PCDHGA12: variants seen among roughly 807,000 people sequenced by gnomAD.
PCDHGA12 encodes protocadherin gamma subfamily A, 12.
Under a neutral mutation model 61.1 loss-of-function variants are expected in PCDHGA12, and 43 were observed. That is an observed-to-expected ratio of 0.70 (90% CI 0.55 to 0.91). The LOEUF is 0.91. Among genes scored for constraint, PCDHGA12 ranks in the 40% least tolerant of loss-of-function variants. The probability of loss-of-function intolerance (pLI) is 0.00; values close to 1 mark genes in which losing one functional copy is unlikely to be tolerated. For synonymous variants in PCDHGA12, 520 were observed against 542.9 expected (o/e 0.96, Z 0.59); for missense variants, 1,236 against 1,227.7 (o/e 1.01, Z -0.10).
intron 2 of PCDHGA12, among the ~76,000 whole-genome samples, chr5:141,499,612 C>T (rs1489412444): frequency 6.6e-6 from 1 of 151,968 alleles, no homozygotes; most frequent in African/African-American, 2.4e-5. Context: ...TACCCTTATC[C>T]TGTCCTTGGA....
Position 141,431,151 on chromosome 5 carries a change from C to A in PCDHGA12, c.392C>A (p.Pro131His), listed in dbSNP as rs764416448. The change falls in exon 1 of 4, where the codon CCT (proline) becomes CAT (histidine). Residue 131 changes from proline (P) to histidine (H), a missense_variant. Transcript: ENST00000252085. This position sits in a 1 kb window ranked among gnomAD's most constrained non-coding sequence, Gnocchi z 4.8. Reference protein sequence around the residue: ...VEVRDINDNAPYFRESELEIK... With the variant: ...VEVRDINDNAHYFRESELEIK... Reference sequence around the variant, plus strand: ...GTAAGGGACATTAACGACAATGCGCCTTACTTTCGTGAAAGTGAATTAGAA... The same window carrying A: ...GTAAGGGACATTAACGACAATGCGCATTACTTTCGTGAAAGTGAATTAGAA... 7.4e-6 allele frequency: 12 copies of A among 1,614,126 alleles called. No individual in the cohort carries two copies. Among genetic ancestry groups the A allele is most frequent in the Middle Eastern group, 1.6e-4 (1 of 6,084 alleles).
In PCDHGA12 at chr5:141,490,751, C is replaced by T. The variant is rs2099703884; in HGVS notation, c.2425-4056C>T. 6.2e-6 allele frequency: 10 copies of T among 1,614,092 alleles called. No individual in the cohort carries two copies. The highest frequency in any genetic ancestry group is 1.7e-5 in the Admixed American group (1 of 60,012). ...AATCAGGTTCAGGGAGCCCCAGCCT[C>T]CTCCTTTGTGTATGTCAACCCAGAG... On this transcript the variant is annotated intron_variant, in intron 1 of 3. Coordinates refer to ENST00000252085, the MANE Select transcript of PCDHGA12 (RefSeq NM_003735.3). This position sits in a 1 kb window ranked among gnomAD's most constrained non-coding sequence, Gnocchi z 5.4.
chr5:141,432,069 A>T lies in PCDHGA12; in HGVS notation c.1310A>T (p.His437Leu). ...RGTPPLSTETHISLNVADTND... is the reference protein window; with the variant it reads ...RGTPPLSTETLISLNVADTND... ...ACCCCGCCCCTATCCACGGAAACTC[A>T]TATCTCGCTGAACGTGGCAGACACC... is the stretch of plus-strand genomic sequence containing the variant. Residue 437 changes from histidine (H) to leucine (L), a missense_variant, in exon 1 of 4, where the codon CAT becomes CTT. Physicochemically the swap from His to Leu is moderately conservative, Grantham distance 99. Coordinates refer to ENST00000252085, the MANE Select transcript of PCDHGA12 (RefSeq NM_003735.3). This position sits in a 1 kb window ranked among gnomAD's most constrained non-coding sequence, Gnocchi z 6.0. The T allele has an allele frequency of 6.2e-7, 1 of 1,614,168 alleles. No homozygotes were observed. The highest frequency in any genetic ancestry group is 8.5e-7 in the Non-Finnish European group (1 of 1,180,038).
chr5:141,443,588 A>T (rs1479393074), intron 1 of PCDHGA12, among the ~76,000 whole-genome samples: 3 of 152,240 alleles, frequency 2.0e-5, no homozygotes, highest in Non-Finnish European at 4.4e-5. Context: ...CTAAAACAGA[A>T]TGTGGTATAT....
At position 141,485,049 on chromosome 5, in the gene PCDHGA12, G is replaced by A; in HGVS notation, c.2425-9758G>A. The A allele has an allele frequency of 1.3e-6, 1 of 780,438 alleles. No individual in the cohort carries two copies. 48.3% of individuals were successfully genotyped at this position (780,438 alleles called of 1,614,324 possible). ...AACGGCGCGTAACCCTTGCGGCGCC[G>A]GCCGAACCGCGCCAGAGCTGGCGCG... On this transcript the variant is annotated intron_variant, in intron 1 of 3. Coordinates refer to ENST00000252085, the MANE Select transcript of PCDHGA12 (RefSeq NM_003735.3). This position sits in a 1 kb window ranked among gnomAD's most constrained non-coding sequence, Gnocchi z 5.7.
intron 1 of PCDHGA12, among the ~76,000 whole-genome samples, chr5:141,467,824 G>A (rs1272399938): frequency 2.0e-5 from 3 of 151,798 alleles, no homozygotes; most frequent in Non-Finnish European, 4.4e-5. Flanking sequence ...ACACCAGGCT[G>A]ATTTTTATAT....
chr5:141,451,908 G>C (rs899191624), intron 1 of PCDHGA12, among the ~76,000 whole-genome samples: 1 of 152,046 alleles, frequency 6.6e-6, no homozygotes, highest in Non-Finnish European at 1.5e-5. Flanking sequence ...AAGGGAGGGA[G>C]GGAGGAAGGA....
chr5:141,473,004 AAAAG>A (rs1215989598), intron 1 of PCDHGA12, among the ~76,000 whole-genome samples: 5 of 151,730 alleles, frequency 3.3e-5, no homozygotes, highest in Non-Finnish European at 7.4e-5. Context: ...AAAAGAAAGA[AAAAG>A]AAAAAGAAAG....
rs748605515 is a variant in PCDHGA12 at position 141,486,688 on chromosome 5, C to T, written c.2425-8119C>T. ...CCAGGAATCGAGATGTATCAGCTTC[C>T]TCTTTCATCTCTCTGAACCCCCAGA... On this transcript the variant is annotated intron_variant, in intron 1 of 3. Transcript: ENST00000252085. The surrounding 1 kb of genome is among the most constrained non-coding windows in gnomAD (Gnocchi z 5.0). 2 of 1,614,170 alleles carry T rather than the reference C, an allele frequency of 1.2e-6. No individual in the cohort carries two copies. The highest frequency in any genetic ancestry group is 1.1e-5 in the South Asian group (1 of 91,086).
intron 1 of PCDHGA12, among the ~76,000 whole-genome samples, chr5:141,449,134 T>C (rs538592980): frequency 9.2e-4 from 140 of 152,242 alleles, no homozygotes; most frequent in Non-Finnish European, 1.8e-3. Context: ...AGAAATGGAA[T>C]TGAAATTGCT....
In PCDHGA12 at chr5:141,477,143, G is replaced by T; in HGVS notation, c.2425-17664G>T. On this transcript the variant is annotated intron_variant, in intron 1 of 3. Transcript: ENST00000252085. The surrounding 1 kb of genome is among the most constrained non-coding windows in gnomAD (Gnocchi z 4.9). The stretch of plus-strand genomic sequence containing the variant: ...ACATTGCAAAGTGTTGGTGGAGGTT[G>T]TGGATGTGAATGACAACGCCCCGGA... The T allele has an allele frequency of 6.2e-7, 1 of 1,614,198 alleles. No homozygotes were observed. The highest frequency in any genetic ancestry group is 8.5e-7 in the Non-Finnish European group (1 of 1,180,036).
Position 141,432,236 on chromosome 5 carries a change from G to A in PCDHGA12, c.1477G>A (p.Glu493Lys), listed in dbSNP as rs752735346. Residue 493 changes from glutamate to lysine, a missense_variant, in exon 1 of 4, where the codon GAG becomes AAG. Coordinates refer to ENST00000252085, the MANE Select transcript of PCDHGA12 (RefSeq NM_003735.3). This position sits in a 1 kb window ranked among gnomAD's most constrained non-coding sequence, Gnocchi z 6.0. ...ENAQITYSLA[E>K]NTIQGASLSS... ...CGCCCAGATCACTTATTCCCTGGCT[G>A]AGAACACCATCCAAGGGGCAAGCCT... is the stretch of plus-strand genomic sequence containing the variant. The A allele has an allele frequency of 8.7e-6, 14 of 1,614,130 alleles. No individual in the cohort carries two copies. The African/African-American group carries it at 9.3e-5, about 11-fold the overall frequency.
chr5:141,440,464 G>A (rs2003094), intron 1 of PCDHGA12: 3,293 of 152,144 alleles, frequency 0.022, 52 homozygotes, highest in South Asian at 0.038. Context: ...ATGAACAAAC[G>A]GTAGTTGAAA....
At chr5:141,492,241 C>G (rs1351937353) in intron 1 of PCDHGA12, among the ~76,000 whole-genome samples, 2 of 152,186 alleles carry the variant, frequency 1.3e-5, no homozygotes, top group East Asian at 3.9e-4. Context: ...TGCTGGCCAC[C>G]CCCACGGCCC....
rs999463482 is a variant in PCDHGA12, at chr5:141,506,400, T to C, written c.2572+919T>C. ...GGAGGTGGCTGTGGTGAGCAGAAAATCGCACCACTGCACTCCAGCCTGGGC... is the reference window on the plus strand; with the variant it reads ...GGAGGTGGCTGTGGTGAGCAGAAAACCGCACCACTGCACTCCAGCCTGGGC... On this transcript the variant is annotated intron_variant, in intron 3 of 3. Coordinates refer to ENST00000252085, the MANE Select transcript of PCDHGA12 (RefSeq NM_003735.3). 1.2e-4 allele frequency among the ~76,000 whole-genome samples: 16 copies of C among 135,754 alleles called. No homozygotes were observed. In the Admixed American group the frequency reaches 1.3e-3, roughly 11 times the overall value. The allele number at this position is 135,754 out of a possible 152,430, so 89.1% of individuals were successfully genotyped here.
rs549051669 is a variant in PCDHGA12, at chr5:141,450,866, C to A, written c.2424+17683C>A. 4.7e-5 allele frequency among the ~76,000 whole-genome samples: 7 copies of A among 149,836 alleles called. No homozygotes were observed. In the East Asian group the frequency reaches 1.4e-3, roughly 29 times the overall value. On this transcript the variant is annotated intron_variant, in intron 1 of 3. Transcript: ENST00000252085. ...TTGAGATGGGGTCTTGCTCTGTCAC[C>A]CAGGCTGGTGTGCAGTGGTGCGATA...
chr5:141,450,675 CG>C (rs2098689980), intron 1 of PCDHGA12, among the ~76,000 whole-genome samples: 1 of 151,614 alleles, frequency 6.6e-6, no homozygotes, highest in Non-Finnish European at 1.5e-5. Flanking sequence ...TTAGTAGAAA[CG>C]GGGTTTTGCC....
intron 2 of PCDHGA12, among the ~76,000 whole-genome samples, chr5:141,501,301 ACAC>A (rs1380901086): frequency 6.6e-6 from 1 of 150,882 alleles, no homozygotes; most frequent in African/African-American, 2.4e-5. Context: ...ACACACACAC[ACAC>A]ACACACACAC....
At chr5:141,475,715 C>T (rs989484033) in intron 1 of PCDHGA12, among the ~76,000 whole-genome samples, 1 of 152,366 alleles carries the variant, frequency 6.6e-6, no homozygotes, top group African/African-American at 2.4e-5. Context: ...AGCCTCACAG[C>T]CCCAAGGCTG....
Sources: gnomAD v4.1 joint callset for allele counts (sites outside exome capture counted in the v4.1 genomes callset) on GRCh38, gnomAD v4.1.1 for gene constraint, Gnocchi (gnomAD v3.1) non-coding constraint, MANE v1.5 for transcripts, NCBI Gene and HGNC (gene_info 2026-07-23, HGNC 2026-07-21) for gene names.